Variants in ZC3H12B observed in about 807,000 individuals in gnomAD.
The protein encoded by ZC3H12B is probable ribonuclease ZC3H12B.
A neutral mutation model predicts 43.9 loss-of-function variants in ZC3H12B; 7 were observed. The ratio of observed to expected loss-of-function variants is 0.16; its 90% confidence interval spans 0.09 to 0.30. The LOEUF (loss-of-function observed/expected upper bound fraction) is 0.30. ZC3H12B is among the 10% of genes least tolerant of loss of function. The probability of loss-of-function intolerance (pLI) is 1.00; values close to 1 mark genes in which losing one functional copy is unlikely to be tolerated. For missense variants in ZC3H12B, 475 were observed against 670.2 expected (o/e 0.71, Z 3.22); for synonymous variants, 222 against 241.7 (o/e 0.92, Z 0.76).
At chrX:65,080,036 T>A in the ZC3H12B span, among the ~76,000 whole-genome samples, 1 of 109,946 alleles carries the variant, frequency 9.1e-6, no homozygotes, top group Admixed American at 9.7e-5. Context: ...TTAAAATAAT[T>A]TTTAAAAATT....
At chrX:65,426,252 G>A (rs1244335942) in intron 3 of ZC3H12B, among the ~76,000 whole-genome samples, 2 of 109,309 alleles carry the variant, frequency 1.8e-5, no homozygotes, top group African/African-American at 6.6e-5. Context: ...ACCTAGAGGT[G>A]TTTATAGCAT....
At chrX:65,392,620 G>A (rs749920335) in intron 2 of ZC3H12B, among the ~76,000 whole-genome samples, 113 of 106,912 alleles carry the variant, frequency 1.1e-3, no homozygotes, top group African/African-American at 3.1e-3. Context: ...CAGCCGCCCC[G>A]TCTGGGAGGT....
intron 3 of ZC3H12B, among the ~76,000 whole-genome samples, chrX:65,411,855 A>G (rs1327756367): frequency 9.1e-6 from 1 of 109,826 alleles, no homozygotes; most frequent in Non-Finnish European, 1.9e-5. Context: ...TTGCCTGCTT[A>G]TATCAAAATA....
At chrX:65,228,898 G>A in the ZC3H12B span, among the ~76,000 whole-genome samples, 1 of 111,776 alleles carries the variant, frequency 8.9e-6, no homozygotes, top group Non-Finnish European at 1.9e-5. Flanking sequence ...ACAAACAAAT[G>A]GAAGAACATT....
the ZC3H12B span, among the ~76,000 whole-genome samples, chrX:65,299,463 A>G: frequency 8.9e-6 from 1 of 112,056 alleles, no homozygotes; most frequent in East Asian, 2.8e-4. Context: ...CAGGCATGCA[A>G]GGCTGATTTA....
chrX:65,038,148 A>G, the ZC3H12B span, among the ~76,000 whole-genome samples: 2 of 111,341 alleles, frequency 1.8e-5, no homozygotes, highest in Non-Finnish European at 3.8e-5. Context: ...TCCTAACAGA[A>G]ATTCACATAT....
the ZC3H12B span, among the ~76,000 whole-genome samples, chrX:65,183,425 G>C: frequency 9.0e-6 from 1 of 111,034 alleles, no homozygotes; most frequent in Non-Finnish European, 1.9e-5. Context: ...TTGGAGGGTG[G>C]GAGGGGGTGA....
chrX:65,239,400 CT>C, the ZC3H12B span, among the ~76,000 whole-genome samples: 366 of 103,723 alleles, frequency 3.5e-3, 3 homozygotes, highest in African/African-American at 7.4e-3. Flanking sequence ...AACACCTGCT[CT>C]TTTTTTTTTT....
At chrX:65,213,065 A>G in the ZC3H12B span, among the ~76,000 whole-genome samples, 1 of 108,161 alleles carries the variant, frequency 9.2e-6, no homozygotes, top group Admixed American at 1.0e-4. Flanking sequence ...ACCTCCCCAT[A>G]TTATACTATT....
At chrX:65,409,371 T>C (rs1027108336) in intron 3 of ZC3H12B, among the ~76,000 whole-genome samples, 4 of 111,826 alleles carry the variant, frequency 3.6e-5, no homozygotes, top group African/African-American at 1.3e-4. Flanking sequence ...AAGCCTTTTG[T>C]CTAAGATCTG....
At chrX:65,075,251 T>C in the ZC3H12B span, among the ~76,000 whole-genome samples, 2 of 112,652 alleles carry the variant, frequency 1.8e-5, no homozygotes, top group Non-Finnish European at 3.8e-5. Flanking sequence ...TAGAGTGTAC[T>C]GAACCATATC....
the ZC3H12B span, among the ~76,000 whole-genome samples, chrX:65,213,265 A>G: frequency 9.1e-6 from 1 of 110,440 alleles, no homozygotes; most frequent in Non-Finnish European, 1.9e-5. Context: ...AATATTTTTT[A>G]TACTCTATCT....
rs190284663 is a variant in ZC3H12B at position 65,385,777 on chromosome X, C to T, written n.296-12816C>T. Among the ~76,000 whole-genome samples, 48 of 111,515 alleles carry T rather than the reference C, an allele frequency of 4.3e-4. 1 individual carries two copies. The highest frequency in any genetic ancestry group is 9.8e-5 in the African/African-American group (3 of 30,640). ...GCCTATTCAGTATGACATTGGCTGT[C>T]GGTTTGTCATAAATAGCTCTTATTA... On this transcript the variant is annotated intron_variant and non_coding_transcript_variant, in intron 2 of 5. Coordinates refer to the ZC3H12B transcript ENST00000617377.
the ZC3H12B span, chrX:65,271,324 A>G: frequency 1.8e-5 from 2 of 112,897 alleles, no homozygotes; most frequent in Non-Finnish European, 3.7e-5. Context: ...ACATGTCTTA[A>G]CATATGGAAG....
chrX:65,150,966 T>C, the ZC3H12B span, among the ~76,000 whole-genome samples: 1 of 112,066 alleles, frequency 8.9e-6, no homozygotes, highest in Non-Finnish European at 1.9e-5. Flanking sequence ...GGTTTTATTC[T>C]GATCTCTCTG....
chrX:65,156,091 T>C, the ZC3H12B span, among the ~76,000 whole-genome samples: 1 of 111,686 alleles, frequency 9.0e-6, no homozygotes, highest in East Asian at 2.8e-4. Flanking sequence ...AAAAAATGTT[T>C]ATATTGTTTA....
At chrX:65,130,569 A>G in the ZC3H12B span, among the ~76,000 whole-genome samples, 1 of 111,587 alleles carries the variant, frequency 9.0e-6, no homozygotes, top group African/African-American at 3.3e-5. Context: ...AGAATAGCAG[A>G]TGGAAGACTG....
At chrX:65,506,123 A>C (rs2068422664) in exon 5 of ZC3H12B, 1 of 112,608 alleles carries the variant, frequency 8.9e-6, no homozygotes, top group Non-Finnish European at 1.9e-5. Context: ...TCTAAAGGGC[A>C]GTAGTAATTT....
At chrX:65,400,082 A>C (rs1245449586) in intron 3 of ZC3H12B, among the ~76,000 whole-genome samples, 1 of 111,536 alleles carries the variant, frequency 9.0e-6, no homozygotes, top group Non-Finnish European at 1.9e-5. Flanking sequence ...GGTACAAAAA[A>C]ATAGAAAGAA....
Sources: gnomAD v4.1 joint callset for allele counts (sites outside exome capture counted in the v4.1 genomes callset) on GRCh38, gnomAD v4.1.1 for gene constraint, MANE v1.5 for transcripts, NCBI Gene and HGNC (gene_info 2026-07-23, HGNC 2026-07-21) for gene names.